LANCL2: variants seen among roughly 807,000 people sequenced by gnomAD.
The protein encoded by LANCL2 is LanC like glutathione S-transferase 2, also known as lanC-like protein 2.
LANCL2 carries 33 observed loss-of-function variants against 56.9 expected under a neutral mutation model. That is an observed-to-expected ratio of 0.58 (90% CI 0.44 to 0.78). The LOEUF is 0.78. LANCL2 is among the 30% of genes least tolerant of loss of function. LANCL2 has a pLI of 0.00. For synonymous variants in LANCL2, 233 were observed against 228.2 expected (o/e 1.02, Z -0.19); for missense variants, 562 against 580.2 (o/e 0.97, Z 0.32).
intron 6 of LANCL2, among the ~76,000 whole-genome samples, chr7:55,417,906 C>T (rs1790563594): frequency 1.3e-5 from 2 of 151,976 alleles, no homozygotes; most frequent in Admixed American, 1.3e-4. Context: ...TCTCAAACTC[C>T]TGAGCTCAAG....
intron 1 of LANCL2, among the ~76,000 whole-genome samples, chr7:55,381,873 G>T (rs1247629811): frequency 6.6e-6 from 1 of 152,190 alleles, no homozygotes; most frequent in Admixed American, 6.5e-5. Flanking sequence ...TGAGTGTCTG[G>T]GATGCAAATC....
At chr7:55,408,511 T>TA (rs1410508616) in intron 5 of LANCL2, among the ~76,000 whole-genome samples, 2 of 151,622 alleles carry the variant, frequency 1.3e-5, no homozygotes, top group African/African-American at 4.8e-5. Flanking sequence ...ACTAAAAAAA[T>TA]ACAAAAAATT....
intron 5 of LANCL2, among the ~76,000 whole-genome samples, chr7:55,409,567 C>G (rs1000922495): frequency 1.3e-5 from 2 of 152,090 alleles, no homozygotes; most frequent in African/African-American, 4.8e-5. Context: ...AGGGAGTACT[C>G]TAAGAAGGAG....
chr7:55,386,164 G>C (rs1267670774), intron 1 of LANCL2, among the ~76,000 whole-genome samples: 2 of 152,112 alleles, frequency 1.3e-5, no homozygotes, highest in Non-Finnish European at 2.9e-5. Flanking sequence ...AATTATTACA[G>C]GGTCCTGAGA....
intron 1 of LANCL2, among the ~76,000 whole-genome samples, chr7:55,378,974 T>C (rs1356171523): frequency 6.6e-6 from 1 of 152,034 alleles, no homozygotes; most frequent in Non-Finnish European, 1.5e-5. Context: ...CTACTAAAAA[T>C]ACAAAAAATT....
chr7:55,383,018 A>G (rs989934242), intron 1 of LANCL2, among the ~76,000 whole-genome samples: 2 of 152,196 alleles, frequency 1.3e-5, no homozygotes, highest in Non-Finnish European at 2.9e-5. Flanking sequence ...GCACTTTGGG[A>G]GGCCAAGGTG....
chr7:55,408,176 A>G (rs1056756265), intron 5 of LANCL2, among the ~76,000 whole-genome samples: 1 of 152,234 alleles, frequency 6.6e-6, no homozygotes, highest in Admixed American at 6.5e-5. Context: ...AATATATAAT[A>G]GCTGAATTTT....
intron 6 of LANCL2, among the ~76,000 whole-genome samples, chr7:55,414,805 C>A (rs550287249): frequency 6.6e-6 from 1 of 151,524 alleles, no homozygotes; most frequent in Non-Finnish European, 1.5e-5. Flanking sequence ...CATGGCAAAA[C>A]CATGTCTCTA....
In LANCL2 at chr7:55,415,621, C is replaced by CTTTTTTTTTTTTT. The variant is rs71031852; in HGVS notation, c.1008+3540_1008+3541insTTTTTTTTTTTTT. Among the ~76,000 whole-genome samples the CTTTTTTTTTTTTT allele has an allele frequency of 6.3e-5, 7 of 111,770 alleles. 2 individuals are homozygous for CTTTTTTTTTTTTT. Among genetic ancestry groups the CTTTTTTTTTTTTT allele is most frequent in the Non-Finnish European group, 1.1e-4 (6 of 54,368 alleles). The allele number at this position is 111,770 out of a possible 152,430, so 73.3% of individuals were successfully genotyped here. ...CCATAGTTTATCATTGTTTTTCTTT[C>CTTTTTTTTTTTTT]TTTTTTTTGAGACACAGTGTCGCTC... is the stretch of plus-strand genomic sequence containing the variant. On this transcript the variant is annotated intron_variant, in intron 6 of 8. Transcript: ENST00000254770.
At chr7:55,419,307 A>C (rs900823657) in intron 6 of LANCL2, among the ~76,000 whole-genome samples, 2 of 151,266 alleles carry the variant, frequency 1.3e-5, no homozygotes, top group Non-Finnish European at 2.9e-5. Flanking sequence ...CATTTTATCT[A>C]AGTTGTCAAA....
chr7:55,415,115 G>A (rs1790513416), intron 6 of LANCL2, among the ~76,000 whole-genome samples: 1 of 152,130 alleles, frequency 6.6e-6, no homozygotes. Flanking sequence ...ATGGGTAATG[G>A]TGGCAAATTC....
chr7:55,409,394 C>T (rs1372749899), intron 5 of LANCL2, among the ~76,000 whole-genome samples: 1 of 152,134 alleles, frequency 6.6e-6, no homozygotes, highest in East Asian at 1.9e-4. Flanking sequence ...CGGCCAACTT[C>T]CAAGTTTTGA....
chr7:55,366,823 C>T (rs1041086517), intron 1 of LANCL2, among the ~76,000 whole-genome samples: 1 of 152,182 alleles, frequency 6.6e-6, no homozygotes, highest in Non-Finnish European at 1.5e-5. Context: ...GTGAAAAAGA[C>T]ACAAAGAAAT....
chr7:55,409,249 G>A (rs952961112), intron 5 of LANCL2, among the ~76,000 whole-genome samples: 2 of 151,366 alleles, frequency 1.3e-5, no homozygotes, highest in African/African-American at 2.4e-5. Flanking sequence ...CACCATGCCC[G>A]GCTAATTTTT....
At chr7:55,428,503 C>A (rs1257580911) in intron 8 of LANCL2, 56 bp downstream of exon 8, 6 of 1,362,398 alleles carry the variant, frequency 4.4e-6, no homozygotes, top group Non-Finnish European at 6.3e-6. Flanking sequence ...GGTTCTCCTG[C>A]CCTTGTGGAC....
chr7:55,425,402 A>G lies in LANCL2; in HGVS notation c.1157A>G (p.Asp386Gly). The change falls in exon 7 of 9, where the codon GAT becomes GGT. Residue 386 changes from aspartate to glycine, a missense_variant. By Grantham distance (94) the Asp-to-Gly change is moderately conservative. Around this residue, in one of 2 missense-constraint regions of LANCL2, gnomAD observed 378 missense variants for 468.4 expected, o/e 0.81. Transcript: ENST00000254770. ...CTGTCCCTTTACCGTCTCACGCAGGATAAGAAGTACCTCTACCGAGCTTGC... is the reference window on the plus strand; with the variant it reads ...CTGTCCCTTTACCGTCTCACGCAGGGTAAGAAGTACCTCTACCGAGCTTGC... The part of the protein sequence containing the change: ...SFLSLYRLTQ[D>G]KKYLYRACKF... 6.2e-7 allele frequency: 1 copy of G among 1,614,106 alleles called. No homozygotes were observed. The highest frequency in any genetic ancestry group is 8.5e-7 in the Non-Finnish European group (1 of 1,179,996).
intron 1 of LANCL2, among the ~76,000 whole-genome samples, chr7:55,368,166 A>G (rs1789896512): frequency 6.6e-6 from 1 of 152,234 alleles, no homozygotes; most frequent in African/African-American, 2.4e-5. Context: ...GAAGCAGGTG[A>G]GTTTCATTTG....
intron 1 of LANCL2, among the ~76,000 whole-genome samples, chr7:55,376,503 C>T (rs1383285201): frequency 1.3e-5 from 2 of 152,166 alleles, no homozygotes; most frequent in Non-Finnish European, 2.9e-5. Flanking sequence ...CCTAGGTCCA[C>T]CAGGAAGCCC....
At chr7:55,381,171 G>A (rs184343877) in intron 1 of LANCL2, among the ~76,000 whole-genome samples, 1 of 152,234 alleles carries the variant, frequency 6.6e-6, no homozygotes, top group Admixed American at 6.5e-5. Context: ...ATATCTGGGC[G>A]GAGGAGTGAA....
Sources: allele counts gnomAD v4.1 joint callset (sites outside exome capture counted in the v4.1 genomes callset), GRCh38; gene constraint gnomAD v4.1.1; regional missense constraint gnomAD v4.1.1; transcripts MANE v1.5; gene names NCBI Gene and HGNC (gene_info 2026-07-23, HGNC 2026-07-21).